Variants in SMS observed in about 807,000 individuals in gnomAD.
SMS encodes spermine synthase.
In SMS, 3 loss-of-function variants were observed where a neutral mutation model predicts 33.0. The ratio of observed to expected loss-of-function variants is 0.09; its 90% CI spans 0.04 to 0.23. The LOEUF (loss-of-function observed/expected upper bound fraction) is 0.23. Ranked by LOEUF, SMS falls within the 10% of genes least tolerant of loss-of-function variation. The probability of loss-of-function intolerance (pLI) is 1.00; values close to 1 mark genes in which losing one functional copy is unlikely to be tolerated. For missense variants in SMS, 117 were observed against 288.6 expected, an observed-to-expected ratio of 0.41 and a Z score of 4.31; for synonymous variants, 103 against 112.2, an observed-to-expected ratio of 0.92 and a Z score of 0.52.
chrX:21,980,084 A>G (rs1243302090), intron 7 of SMS, among the ~76,000 whole-genome samples: 1 of 111,070 alleles, frequency 9.0e-6, no homozygotes, highest in African/African-American at 3.3e-5. Flanking sequence ...AAATCTGGCA[A>G]ATTAAGTCTA....
intron 1 of SMS, among the ~76,000 whole-genome samples, chrX:21,943,760 C>T (rs749234823): frequency 3.6e-5 from 4 of 111,355 alleles, no homozygotes; most frequent in East Asian, 5.6e-4. Context: ...TGAAGCACAT[C>T]GTCCTGTCAG....
intron 1 of SMS, among the ~76,000 whole-genome samples, chrX:21,965,364 C>T (rs189387478): frequency 1.3e-3 from 143 of 110,603 alleles, no homozygotes; most frequent in Middle Eastern, 4.7e-3. Flanking sequence ...GGACTGGGTG[C>T]GGTGGTCCAC....
At chrX:21,944,440 A>T (rs1384102167) in intron 1 of SMS, among the ~76,000 whole-genome samples, 1 of 105,637 alleles carries the variant, frequency 9.5e-6, no homozygotes, top group East Asian at 3.0e-4. Flanking sequence ...GCATGCCTGT[A>T]ATTCCAGCAC....
chrX:21,969,496 C>G (rs948468247), intron 2 of SMS, among the ~76,000 whole-genome samples: 2 of 111,832 alleles, frequency 1.8e-5, no homozygotes, highest in African/African-American at 6.5e-5. Context: ...CCTGCCGCCT[C>G]TCACTGTTTT....
chrX:21,975,579 C>T (rs1924483366), intron 4 of SMS, among the ~76,000 whole-genome samples: 1 of 111,288 alleles, frequency 9.0e-6, no homozygotes. Context: ...GTGGAAGAGG[C>T]TTCCTCCAAG....
chrX:21,947,072 T>C (rs1036509876), intron 1 of SMS, among the ~76,000 whole-genome samples: 2 of 111,985 alleles, frequency 1.8e-5, no homozygotes, highest in African/African-American at 6.5e-5. Flanking sequence ...TGAGCTGCCT[T>C]CTGGTGGAAG....
intron 1 of SMS, among the ~76,000 whole-genome samples, chrX:21,955,009 A>G (rs754896665): frequency 9.0e-6 from 1 of 110,743 alleles, no homozygotes; most frequent in Non-Finnish European, 1.9e-5. Context: ...GCTAATTTTT[A>G]TATTTTAGCA....
chrX:21,964,559 C>T (rs753452123), intron 1 of SMS, among the ~76,000 whole-genome samples: 5 of 111,060 alleles, frequency 4.5e-5, no homozygotes, highest in African/African-American at 1.6e-4. Flanking sequence ...TCTGAAGTCC[C>T]GTTGCTTTTT....
At chrX:21,942,070 C>T (rs1921851153) in intron 1 of SMS, among the ~76,000 whole-genome samples, 1 of 108,609 alleles carries the variant, frequency 9.2e-6, no homozygotes, top group Admixed American at 9.8e-5. Context: ...CTTTCTTTTT[C>T]TGGTGGCTTT....
At chrX:21,980,429 A>AAAAAAAATAT (rs1260210326) in intron 7 of SMS, among the ~76,000 whole-genome samples, 23 of 63,042 alleles carry the variant, frequency 3.6e-4, no homozygotes, top group South Asian at 1.5e-3. Flanking sequence ...AAAAAAAAAA[A>AAAAAAAATAT]ATATATATAT....
intron 2 of SMS, among the ~76,000 whole-genome samples, chrX:21,970,593 G>A (rs1198277932): frequency 2.7e-5 from 3 of 109,855 alleles, no homozygotes; most frequent in Non-Finnish European, 3.8e-5. Flanking sequence ...TATAGAGACA[G>A]GGTCTCACTC....
chrX:21,944,563 G>A (rs1328183264), intron 1 of SMS, among the ~76,000 whole-genome samples: 1 of 88,938 alleles, frequency 1.1e-5, no homozygotes, highest in Non-Finnish European at 2.3e-5. Context: ...AATTAGCCAG[G>A]TGTGGTGAGT....
intron 7 of SMS, among the ~76,000 whole-genome samples, chrX:21,982,355 AAG>A (rs1233338272): frequency 9.2e-6 from 1 of 109,217 alleles, no homozygotes; most frequent in Non-Finnish European, 1.9e-5. Context: ...AAAAAAAAAA[AAG>A]TACCACAAGA....
At chrX:21,947,585 T>C (rs1922325511) in intron 1 of SMS, among the ~76,000 whole-genome samples, 1 of 111,676 alleles carries the variant, frequency 9.0e-6, no homozygotes, top group Non-Finnish European at 1.9e-5. Flanking sequence ...TGTTCTCAAA[T>C]TTGTTGCTCA....
At chrX:21,991,120 T>C (rs1925730125) in intron 9 of SMS, among the ~76,000 whole-genome samples, 1 of 112,646 alleles carries the variant, frequency 8.9e-6, no homozygotes, top group Non-Finnish European at 1.9e-5. Context: ...AGGCTGCCTT[T>C]ATTTGTAAAT....
At chrX:21,947,267 C>T (rs747624264) in intron 1 of SMS, among the ~76,000 whole-genome samples, 2 of 111,688 alleles carry the variant, frequency 1.8e-5, no homozygotes, top group African/African-American at 6.5e-5. Context: ...CAGGCACAGA[C>T]GCTGTTGCTT....
rs1925975840 is a variant in SMS, at chrX:21,994,729, T to C, written c.*378T>C. The C allele has an allele frequency of 1.3e-6, 1 of 774,289 alleles. No individual in the cohort carries two copies. Among genetic ancestry groups the C allele is most frequent in the Non-Finnish European group, 1.5e-6 (1 of 653,408 alleles). The allele number at this position is 774,289 out of a possible 1,213,427, so 63.8% of individuals were successfully genotyped here. On this transcript the variant is annotated 3_prime_UTR_variant, in exon 11 of 11. Transcript: ENST00000404933. ...TCGTTGTTTTGCTGGAGGGAAGATC[T>C]TGATGGTGTTTCTTTCCCCAAAAAT...
chrX:21,944,253 T>A (rs1922019817), intron 1 of SMS, among the ~76,000 whole-genome samples: 1 of 111,293 alleles, frequency 9.0e-6, no homozygotes, highest in Non-Finnish European at 1.9e-5. Flanking sequence ...TAAGGACTCT[T>A]GAGCCCGAAA....
chrX:21,970,923 ATGGTGGCTCACGCC>A (rs1417247780), intron 2 of SMS, among the ~76,000 whole-genome samples: 1 of 110,260 alleles, frequency 9.1e-6, no homozygotes, highest in Non-Finnish European at 1.9e-5. Context: ...TAGGCCGGGC[ATGGTGGCTCACGCC>A]TGTAGTCTCA....
Sources: gnomAD v4.1 joint callset for allele counts (sites outside exome capture counted in the v4.1 genomes callset) on GRCh38, gnomAD v4.1.1 for gene constraint, MANE v1.5 for transcripts, NCBI Gene and HGNC (gene_info 2026-07-23, HGNC 2026-07-21) for gene names.